ZFPM2: variants seen among roughly 807,000 people sequenced by gnomAD.
ZFPM2 encodes zinc finger protein ZFPM2.
A neutral mutation model predicts 98.6 loss-of-function variants in ZFPM2; 20 were observed. The observed-to-expected ratio is 0.20, with a 90% CI of 0.14 to 0.29. The LOEUF is 0.29. ZFPM2 is among the 10% of genes least tolerant of loss of function. The pLI is 1.00. For missense variants in ZFPM2, 1,310 were observed against 1,388.6 expected (o/e 0.94, Z 0.90); for synonymous variants, 518 against 502.7 (o/e 1.03, Z -0.41).
At chr8:105,480,644 T>A (rs1422228455) in intron 3 of ZFPM2, among the ~76,000 whole-genome samples, 9 of 152,212 alleles carry the variant, frequency 5.9e-5, no homozygotes, top group Non-Finnish European at 1.2e-4. Flanking sequence ...AAAGGCATAT[T>A]CTGCAAAAGT....
At chr8:105,319,167 C>T (rs1219756217) in intron 1 of ZFPM2, among the ~76,000 whole-genome samples, 186 bp downstream of exon 1, 2 of 152,088 alleles carry the variant, frequency 1.3e-5, no homozygotes, top group Non-Finnish European at 2.9e-5. Context: ...GACGGCCAGC[C>T]CGAGCCTCGG....
intron 5 of ZFPM2, among the ~76,000 whole-genome samples, chr8:105,725,087 A>G (rs1213544083): frequency 6.6e-6 from 1 of 151,828 alleles, no homozygotes; most frequent in Non-Finnish European, 1.5e-5. Flanking sequence ...GTTTTCCTTA[A>G]AAGTAACTTT....
intron 3 of ZFPM2, among the ~76,000 whole-genome samples, chr8:105,492,095 A>G (rs1017129308): frequency 6.6e-6 from 1 of 152,188 alleles, no homozygotes; most frequent in South Asian, 2.1e-4. Context: ...AACATCAACA[A>G]TAATCCTTAT....
At chr8:105,486,427 A>G (rs1813231589) in intron 3 of ZFPM2, among the ~76,000 whole-genome samples, 1 of 152,008 alleles carries the variant, frequency 6.6e-6, no homozygotes, top group South Asian at 2.1e-4. Flanking sequence ...AAAGGAGTCC[A>G]TACATTTTTT....
intron 1 of ZFPM2, among the ~76,000 whole-genome samples, chr8:105,347,958 GA>G (rs2129696239): frequency 6.6e-6 from 1 of 152,222 alleles, no homozygotes; most frequent in South Asian, 2.1e-4. Context: ...GCTATTCCAA[GA>G]AATCACCTTA....
intron 4 of ZFPM2, among the ~76,000 whole-genome samples, chr8:105,588,789 T>A (rs889409738): frequency 2.6e-5 from 4 of 152,244 alleles, no homozygotes; most frequent in Non-Finnish European, 5.9e-5. Context: ...ACAGGCAGGA[T>A]GCCATTTAAG....
intron 5 of ZFPM2, among the ~76,000 whole-genome samples, chr8:105,704,606 A>C (rs1441389324): frequency 1.3e-5 from 2 of 152,202 alleles, no homozygotes; most frequent in Admixed American, 6.5e-5. Flanking sequence ...AGCTTGATAG[A>C]AAGAAAATAA....
At chr8:105,404,501 C>T (rs1399230378) in intron 1 of ZFPM2, among the ~76,000 whole-genome samples, 22 of 151,960 alleles carry the variant, frequency 1.4e-4, no homozygotes, top group South Asian at 2.1e-4. Context: ...TAACTCAGCA[C>T]GTATGAATCT....
intron 5 of ZFPM2, among the ~76,000 whole-genome samples, chr8:105,689,747 A>T (rs1414607018): frequency 6.6e-6 from 1 of 152,186 alleles, no homozygotes; most frequent in Non-Finnish European, 1.5e-5. Context: ...AAGTGATTAG[A>T]TGGAAACTGC....
chr8:105,631,018 A>G (rs889142272), intron 4 of ZFPM2, among the ~76,000 whole-genome samples: 1 of 152,148 alleles, frequency 6.6e-6, no homozygotes, highest in Non-Finnish European at 1.5e-5. Flanking sequence ...TAATATAAAT[A>G]TTGGCTGTGC....
intron 5 of ZFPM2, among the ~76,000 whole-genome samples, chr8:105,668,648 A>G (rs895577893): frequency 6.6e-6 from 1 of 152,202 alleles, no homozygotes; most frequent in Non-Finnish European, 1.5e-5. Context: ...AATGTGCAGA[A>G]GTTTTCTGAA....
chr8:105,546,989 G>T (rs2130645347), intron 3 of ZFPM2, among the ~76,000 whole-genome samples: 1 of 152,036 alleles, frequency 6.6e-6, no homozygotes, highest in African/African-American at 2.4e-5. Flanking sequence ...TGGGGAGGAG[G>T]TCAGATTCAT....
chr8:105,419,298 C>G lies in ZFPM2; in HGVS notation c.195C>G (p.Asn65Lys). ...GCGAAGAAGTGGAATACTTTTGTAA[C>G]AAAGGTAATTGTTGATGGTTGGATG... Reference protein sequence around the residue: ...LSCEEVEYFCNKGDDEGIQET... With the variant: ...LSCEEVEYFCKKGDDEGIQET... The change falls in exon 2 of 8, where the codon AAC becomes AAG. Residue 65 changes from asparagine (N) to lysine (K), a missense_variant. Coordinates refer to ENST00000407775, the MANE Select transcript of ZFPM2 (RefSeq NM_012082.4). The G allele has an allele frequency of 6.2e-7, 1 of 1,613,040 alleles. No homozygotes were observed. The highest frequency in any genetic ancestry group is 1.1e-5 in the South Asian group (1 of 90,852).
chr8:105,480,605 A>C (rs998085648), intron 3 of ZFPM2, among the ~76,000 whole-genome samples: 1 of 152,202 alleles, frequency 6.6e-6, no homozygotes, highest in Non-Finnish European at 1.5e-5. Flanking sequence ...TGGACTACTG[A>C]ACTAGAATGT....
chr8:105,399,540 A>G (rs1357562886), intron 1 of ZFPM2, among the ~76,000 whole-genome samples: 1 of 152,194 alleles, frequency 6.6e-6, no homozygotes, highest in East Asian at 1.9e-4. Context: ...ACTAGATACA[A>G]CTTCCATGAG....
chr8:105,321,289 C>T (rs1812019827), intron 1 of ZFPM2, among the ~76,000 whole-genome samples: 1 of 152,160 alleles, frequency 6.6e-6, no homozygotes, highest in African/African-American at 2.4e-5. Context: ...TTGTAGGTCT[C>T]TCCCCCCAGT....
chr8:105,330,547 TATATAC>T (rs1812194187), intron 1 of ZFPM2, among the ~76,000 whole-genome samples: 2 of 70,528 alleles, frequency 2.8e-5, no homozygotes, highest in African/African-American at 1.0e-4. Context: ...TCTATATATA[TATATAC>T]ATATATATAT....
chr8:105,358,499 A>G (rs1162052752), intron 1 of ZFPM2: 1 of 152,264 alleles, frequency 6.6e-6, no homozygotes, highest in Non-Finnish European at 1.5e-5. Flanking sequence ...AAGTGTGGTC[A>G]GTGCACGGAC....
rs186320180 is a variant in ZFPM2, at chr8:105,324,811, A to G, written c.40+5830A>G. Among the ~76,000 whole-genome samples, 486 of 152,086 alleles carry G rather than the reference A, an allele frequency of 3.2e-3. 1 individual carries two copies. Among genetic ancestry groups the G allele is most frequent in the Admixed American group, 9.8e-3 (149 of 15,272 alleles). ...CCCAGATGAACTTTCCTTGAAAATA[A>G]CTTAATGTGTATTCAAGTTTTAAAT... On this transcript the variant is annotated intron_variant, in intron 1 of 7. Coordinates refer to ENST00000407775, the MANE Select transcript of ZFPM2 (RefSeq NM_012082.4).
Sources: allele counts gnomAD v4.1 joint callset (sites outside exome capture counted in the v4.1 genomes callset), GRCh38; gene constraint gnomAD v4.1.1; transcripts MANE v1.5; gene names NCBI Gene and HGNC (gene_info 2026-07-23, HGNC 2026-07-21).